The following LSG1 variants were observed in gnomAD, a reference collection of about 807,000 sequenced individuals.
LSG1 encodes the protein large 60S subunit nuclear export GTPase 1, also known as large subunit GTPase 1 homolog.
LSG1 carries 55 observed loss-of-function variants against 82.6 expected under a neutral mutation model. That is an observed-to-expected ratio of 0.67 (90% CI 0.54 to 0.83). The LOEUF is 0.83. Among genes scored for constraint, LSG1 ranks in the 40% least tolerant of loss-of-function variants. The probability of loss-of-function intolerance (pLI) is 0.00; values close to 1 mark genes in which losing one functional copy is unlikely to be tolerated. For synonymous variants in LSG1, 272 were observed against 282.5 expected (o/e 0.96, Z 0.37); for missense variants, 809 against 807.9 (o/e 1.00, Z -0.02).
Position 194,641,834 on chromosome 3 carries a change from C to T in LSG1, c.*234G>A. 2.5e-6 allele frequency: 1 copy of T among 405,418 alleles called. No homozygotes were observed. Among genetic ancestry groups the T allele is most frequent in the Non-Finnish European group, 4.4e-6 (1 of 227,860 alleles). The allele number at this position is 405,418 out of a possible 1,614,324, so 25.1% of individuals were successfully genotyped here. ...TTTCTCCATGTTGGTGCGTGAGCCA[C>T]TGTGCCCGGCCAGGAGTAGGATTCT... On this transcript the variant is annotated 3_prime_UTR_variant, in exon 14 of 14. Transcript: ENST00000265245.
At chr3:194,647,123 A>C (rs1718570600) in intron 11 of LSG1, among the ~76,000 whole-genome samples, 1 of 152,232 alleles carries the variant, frequency 6.6e-6, no homozygotes, top group African/African-American at 2.4e-5. Context: ...AATATACAAC[A>C]ATAAATTTCG....
chr3:194,644,597 G>A lies in LSG1; in HGVS notation c.1773C>T (p.Ile591=), dbSNP rs1047490172. Residue 591 remains isoleucine (I), a synonymous_variant, in exon 13 of 14, where the codon ATC becomes ATT. Coordinates refer to ENST00000265245, the MANE Select transcript of LSG1 (RefSeq NM_018385.3). ...RNKKAKQIEN[I]VDKTFFHQEN... ...CTTGATGGAAAAAAGTTTTGTCAACGATATTTTCAATCTGCTTTGCTTTTT... is the reference window on the plus strand; with the variant it reads ...CTTGATGGAAAAAAGTTTTGTCAACAATATTTTCAATCTGCTTTGCTTTTT... The A allele has an allele frequency of 1.3e-5, 21 of 1,610,696 alleles. No individual in the cohort carries two copies. The African/African-American group carries it at 2.1e-4, about 16-fold the overall frequency.
chr3:194,648,075 A>T (rs990326530), intron 11 of LSG1, among the ~76,000 whole-genome samples: 36 of 117,904 alleles, frequency 3.1e-4, no homozygotes, highest in Admixed American at 1.1e-3. Context: ...CCACACTGCT[A>T]TTTTTTTTTT....
intron 13 of LSG1, 119 bp from the exon 14 acceptor site, chr3:194,642,366 C>T (rs375429285): frequency 1.5e-5 from 11 of 714,076 alleles, no homozygotes; most frequent in Middle Eastern, 3.9e-4. Flanking sequence ...GGTGAACTTC[C>T]GCCCCCCTCC....
chr3:194,666,338 T>C (rs374687106), intron 3 of LSG1, 49 bp from the exon 4 acceptor site: 8 of 1,604,906 alleles, frequency 5.0e-6, no homozygotes, highest in Non-Finnish European at 6.0e-6. Context: ...GTAACCAAAA[T>C]AAAATAGGTA....
At chr3:194,666,056 C>T (rs1052944787) in intron 4 of LSG1, 147 bp downstream of exon 4, 1 of 689,836 alleles carries the variant, frequency 1.4e-6, no homozygotes, top group Non-Finnish European at 2.5e-6. Flanking sequence ...CTTGTTTGTG[C>T]ATACATCTAT....
At chr3:194,661,857 T>C (rs1279743162) in intron 5 of LSG1, among the ~76,000 whole-genome samples, 1 of 152,026 alleles carries the variant, frequency 6.6e-6, no homozygotes, top group Non-Finnish European at 1.5e-5. Flanking sequence ...AGAGAGCAAA[T>C]AATACTGTAA....
chr3:194,648,054 G>A (rs546264145), intron 11 of LSG1, among the ~76,000 whole-genome samples: 7 of 150,862 alleles, frequency 4.6e-5, no homozygotes, highest in East Asian at 3.9e-4. Flanking sequence ...ACCCACGCAC[G>A]GAAATGTTTC....
chr3:194,651,080 A>C, intron 9 of LSG1, 35 bp downstream of exon 9: 1 of 1,613,872 alleles, frequency 6.2e-7, no homozygotes, highest in Non-Finnish European at 8.5e-7. Flanking sequence ...AGGAAGAAAG[A>C]GCTGCATGCA....
At chr3:194,658,310 G>A (rs571075805) in intron 7 of LSG1, among the ~76,000 whole-genome samples, 10 of 152,108 alleles carry the variant, frequency 6.6e-5, no homozygotes, top group Non-Finnish European at 1.2e-4. Flanking sequence ...ACCATGCCCG[G>A]CTAATGTTGT....
At chr3:194,654,572 C>G (rs1718754016) in intron 7 of LSG1, among the ~76,000 whole-genome samples, 1 of 152,154 alleles carries the variant, frequency 6.6e-6, no homozygotes, top group Admixed American at 6.5e-5. Context: ...GAACTGGAAG[C>G]AATTTCTATG....
intron 7 of LSG1, among the ~76,000 whole-genome samples, chr3:194,657,723 A>G (rs546623209): frequency 2.8e-4 from 42 of 152,286 alleles, no homozygotes; most frequent in African/African-American, 1.0e-3. Flanking sequence ...GCTGGTGTCT[A>G]TGAGGAATAT....
At chr3:194,659,281 C>A (rs1467103626) in intron 6 of LSG1, 148 bp from the exon 7 acceptor site, 2 of 593,050 alleles carry the variant, frequency 3.4e-6, no homozygotes, top group South Asian at 5.1e-5. Context: ...ACACATTATA[C>A]TAATCCTTTC....
chr3:194,655,628 G>A (rs924954257), intron 7 of LSG1, among the ~76,000 whole-genome samples: 10 of 152,036 alleles, frequency 6.6e-5, no homozygotes, highest in African/African-American at 2.2e-4. Context: ...TTTAATTATA[G>A]TAATAATTAT....
rs1245969463 is a variant in LSG1 at position 194,672,181 on chromosome 3, C to A, written c.-19G>T. Reference sequence around the variant, plus strand: ...GGCCCATGGCAACACGACCGCTGGACGAAGCTTCCCGGCTCGGCGCGTGCA... The same window carrying A: ...GGCCCATGGCAACACGACCGCTGGAAGAAGCTTCCCGGCTCGGCGCGTGCA... On this transcript the variant is annotated 5_prime_UTR_variant, in exon 1 of 14. Coordinates refer to ENST00000265245, the MANE Select transcript of LSG1 (RefSeq NM_018385.3). 6.4e-7 allele frequency: 1 copy of A among 1,562,314 alleles called. No individual in the cohort carries two copies. Among genetic ancestry groups the A allele is most frequent in the African/African-American group, 1.4e-5 (1 of 74,030 alleles).
chr3:194,652,735 G>T lies in LSG1; in HGVS notation c.1167C>A (p.Val389=), dbSNP rs35480846. The change falls in exon 8 of 14, where the codon GTC becomes GTA. Residue 389 remains valine (V), a synonymous_variant. Transcript: ENST00000265245. ...ATGACATATGTCATCTTACCAGTCC[G>T]ACCGTAAGTTGCCCATCTTTCACCT... ...GRKVKDGQLT[V]GLVGYPNVGK... is the part of the protein sequence containing the mutation. The T allele has an allele frequency of 3.7e-6, 6 of 1,612,228 alleles. No homozygotes were observed. The South Asian group carries it at 5.5e-5, about 15-fold the overall frequency.
intron 2 of LSG1, among the ~76,000 whole-genome samples, chr3:194,669,470 C>T (rs1304279487): frequency 1.3e-5 from 2 of 152,172 alleles, no homozygotes; most frequent in African/African-American, 4.8e-5. Context: ...CTGGCCCTTG[C>T]CCACCTCCTC....
chr3:194,666,142 C>A (rs1274108594), intron 4 of LSG1, 61 bp downstream of exon 4: 2 of 1,385,096 alleles, frequency 1.4e-6, no homozygotes, highest in Non-Finnish European at 2.0e-6. Flanking sequence ...GCTGTGTAAG[C>A]ATGCCAAATA....
In LSG1 at chr3:194,648,665, A is replaced by T; in HGVS notation, c.1543+16T>A. Reference sequence around the variant, plus strand: ...CTGTTACTTTTGTTCACATTTTCTGATGAATCACAACTTACATCCATAAGC... The same window carrying T: ...CTGTTACTTTTGTTCACATTTTCTGTTGAATCACAACTTACATCCATAAGC... On this transcript the variant is annotated intron_variant, in intron 11 of 13. Coordinates refer to ENST00000265245, the MANE Select transcript of LSG1 (RefSeq NM_018385.3). The T allele has an allele frequency of 6.2e-7, 1 of 1,612,798 alleles. No individual in the cohort carries two copies. The highest frequency in any genetic ancestry group is 8.5e-7 in the Non-Finnish European group (1 of 1,179,480).
Sources: allele counts gnomAD v4.1 joint callset (sites outside exome capture counted in the v4.1 genomes callset), GRCh38; gene constraint gnomAD v4.1.1; transcripts MANE v1.5; gene names NCBI Gene and HGNC (gene_info 2026-07-23, HGNC 2026-07-21).